Variants in CACNA1A observed in about 807,000 individuals in gnomAD.
CACNA1A encodes voltage-dependent P/Q-type calcium channel subunit alpha-1A.
CACNA1A carries 57 observed loss-of-function variants against 262.4 expected under a neutral mutation model. That is an observed-to-expected ratio of 0.22 (90% CI 0.18 to 0.27). The LOEUF (loss-of-function observed/expected upper bound fraction) is 0.27. CACNA1A is among the 10% of genes least tolerant of loss of function. The pLI is 1.00. For synonymous variants in CACNA1A, 1,431 were observed against 1,419.3 expected, an observed-to-expected ratio of 1.01 and a Z score of -0.18; for missense variants, 2,526 against 3,562.8, an observed-to-expected ratio of 0.71 and a Z score of 7.41.
chr19:13,289,779 G>A (rs547162481), intron 19 of CACNA1A, among the ~76,000 whole-genome samples: 1 of 152,178 alleles, frequency 6.6e-6, no homozygotes, highest in South Asian at 2.1e-4. Flanking sequence ...CTTAGGACTG[G>A]TGACCTCTTT....
At chr19:13,215,245 G>A (rs7258500) in intron 38 of CACNA1A, 125,056 of 150,008 alleles carry the variant, frequency 0.83, 52,481 homozygotes, top group African/African-American at 0.91. Flanking sequence ...TCCTAACCTC[G>A]GGTGATCCAC....
chr19:13,393,970 G>A (rs1034842037), intron 3 of CACNA1A, among the ~76,000 whole-genome samples: 6 of 152,018 alleles, frequency 3.9e-5, no homozygotes, highest in Non-Finnish European at 1.5e-5. Flanking sequence ...TGAACTAGGC[G>A]CTGGTTACAT....
chr19:13,470,407 C>A (rs774388291), intron 1 of CACNA1A, among the ~76,000 whole-genome samples: 1 of 152,264 alleles, frequency 6.6e-6, no homozygotes, highest in South Asian at 2.1e-4. Flanking sequence ...CTTGACCATG[C>A]CCTTCTTAAT....
chr19:13,271,205 C>CATT (rs1211860976), intron 24 of CACNA1A: 1 of 138,164 alleles, frequency 7.2e-6, no homozygotes, highest in East Asian at 2.1e-4. Flanking sequence ...CCAAAAGAAT[C>CATT]ATTCTGCTGT....
Position 13,261,458 on chromosome 19 carries a change from T to C in CACNA1A, c.4242A>G (p.Lys1414=). 1 of 1,573,598 alleles carries C rather than the reference T, an allele frequency of 6.4e-7. No individual in the cohort carries two copies. ...GGAAAGTGGAGACCCACCGACAATC[T>C]TTCTCAAACTCTTTGGACTCGTCAG... is the stretch of plus-strand genomic sequence containing the variant. The part of the protein sequence containing the change: ...HCTDESKEFE[K]DCRGKYLLYE... Residue 1414 remains lysine, a synonymous_variant, in exon 26 of 47, where the codon AAA becomes AAG. Coordinates refer to ENST00000360228, the MANE Select transcript of CACNA1A (RefSeq NM_001127222.2).
chr19:13,208,091 G>T, intron 46 of CACNA1A, 38 bp from the exon 47 acceptor site: 1 of 1,075,278 alleles, frequency 9.3e-7, no homozygotes, highest in Non-Finnish European at 1.1e-6. Flanking sequence ...CAAAAAAAAA[G>T]ATACAACAAA....
At chr19:13,257,093 T>C in intron 28 of CACNA1A, 1 of 305,372 alleles carries the variant, frequency 3.3e-6, no homozygotes, top group Non-Finnish European at 6.1e-6. Flanking sequence ...AGTCCCTTTG[T>C]GGATATTTGG....
At chr19:13,213,486 A>G (rs942198729) in intron 40 of CACNA1A, among the ~76,000 whole-genome samples, 4 of 151,984 alleles carry the variant, frequency 2.6e-5, no homozygotes, top group African/African-American at 9.7e-5. Flanking sequence ...CGATTCAGTC[A>G]TTTGCTACCA....
At chr19:13,491,290 G>A (rs1448710973) in intron 1 of CACNA1A, among the ~76,000 whole-genome samples, 1 of 152,184 alleles carries the variant, frequency 6.6e-6, no homozygotes, top group East Asian at 1.9e-4. Flanking sequence ...GCAAAAATAA[G>A]TGCCATGAGC....
chr19:13,329,033 T>A (rs1162328467), intron 10 of CACNA1A, among the ~76,000 whole-genome samples: 1 of 152,138 alleles, frequency 6.6e-6, no homozygotes, highest in African/African-American at 2.4e-5. Flanking sequence ...TTATTTCCTC[T>A]GCCTGGATGC....
intron 3 of CACNA1A, among the ~76,000 whole-genome samples, chr19:13,380,423 A>T (rs1248773826): frequency 3.3e-5 from 5 of 151,506 alleles, no homozygotes; most frequent in African/African-American, 1.2e-4. Flanking sequence ...ACGCAGGCAG[A>T]TCACTTGAGG....
At chr19:13,209,031 C>CA in intron 45 of CACNA1A, 22 bp from the exon 46 acceptor site, 1 of 1,536,822 alleles carries the variant, frequency 6.5e-7, no homozygotes, top group Non-Finnish European at 8.7e-7. Context: ...GAGGGTCAGA[C>CA]AGACACACAG....
At chr19:13,271,214 G>GTTTTTTTTGTTTTTTTTGTTTTTT (rs2057009117) in intron 24 of CACNA1A, 1 of 80,446 alleles carries the variant, frequency 1.2e-5, no homozygotes, top group African/African-American at 5.3e-5. Flanking sequence ...TCATTCTGCT[G>GTTTTTTTTGTTTTTTTTGTTTTTT]TTTTTTTTTT....
intron 18 of CACNA1A, among the ~76,000 whole-genome samples, chr19:13,300,280 A>T (rs1275012662): frequency 6.6e-6 from 1 of 151,240 alleles, no homozygotes; most frequent in Non-Finnish European, 1.5e-5. Flanking sequence ...TAATTTATTG[A>T]CTCCTTCCCT....
intron 24 of CACNA1A, among the ~76,000 whole-genome samples, chr19:13,268,375 C>T (rs1378054761): frequency 6.6e-6 from 1 of 151,972 alleles, no homozygotes; most frequent in African/African-American, 2.4e-5. Flanking sequence ...ATGGCGGAAA[C>T]CCTGTCGCCA....
intron 12 of CACNA1A, among the ~76,000 whole-genome samples, chr19:13,310,528 A>C (rs1459241284): frequency 8.4e-6 from 1 of 119,120 alleles, no homozygotes; most frequent in Non-Finnish European, 1.7e-5. Context: ...AGAGAGAGAG[A>C]GAGTTTAATT....
In CACNA1A at chr19:13,338,220, A is replaced by T. The variant is rs2058611447; in HGVS notation, c.979-2311T>A. On this transcript the variant is annotated intron_variant, in intron 6 of 46. Coordinates refer to ENST00000360228, the MANE Select transcript of CACNA1A (RefSeq NM_001127222.2). ...ACAGAGCGAGACTTCGTCTCAAAAA[A>T]AAAAGAATCTAAAAACAGAAAAGCT... 2.0e-5 allele frequency among the ~76,000 whole-genome samples: 3 copies of T among 152,212 alleles called. No individual in the cohort carries two copies. In the South Asian group the frequency reaches 6.2e-4, roughly 32 times the overall value.
Position 13,214,133 on chromosome 19 carries a change from G to T in CACNA1A, c.5940+100C>A. 1.1e-6 allele frequency: 1 copy of T among 944,118 alleles called. No homozygotes were observed. The highest frequency in any genetic ancestry group is 1.5e-5 in the South Asian group (1 of 67,628). The allele number at this position is 944,118 out of a possible 1,614,324, so 58.5% of individuals were successfully genotyped here. A position where few individuals can be genotyped will look rare whatever the true frequency, so the allele number is the denominator to read the frequency against. ...CACAGCCCCTACTTTTCAGGGACCT[G>T]CCCTGGGGCTCAGCCACCCTCATAT... On this transcript the variant is annotated intron_variant, in intron 40 of 46. Coordinates refer to ENST00000360228, the MANE Select transcript of CACNA1A (RefSeq NM_001127222.2). This position sits in a 1 kb window ranked among gnomAD's most constrained non-coding sequence, Gnocchi z 4.1.
chr19:13,216,908 G>A (rs2055033186), intron 38 of CACNA1A, among the ~76,000 whole-genome samples: 1 of 152,128 alleles, frequency 6.6e-6, no homozygotes, highest in Non-Finnish European at 1.5e-5. Flanking sequence ...TCAATGCCTG[G>A]GGTGGGGGGC....
Sources: gnomAD v4.1 joint callset for allele counts (sites outside exome capture counted in the v4.1 genomes callset) on GRCh38, gnomAD v4.1.1 for gene constraint, Gnocchi (gnomAD v3.1) non-coding constraint, MANE v1.5 for transcripts, NCBI Gene and HGNC (gene_info 2026-07-23, HGNC 2026-07-21) for gene names.